Variants in PGCKA1 observed in about 807,000 individuals in gnomAD.
PGCKA1 encodes PDCD10 and GCKIII kinases associated 1, also known as PDCD10 and GCKIII kinases-associated protein 1.
chr4:37,525,483 C>T, the PGCKA1 span, among the ~76,000 whole-genome samples: 55 of 131,286 alleles, frequency 4.2e-4, no homozygotes, highest in African/African-American at 1.5e-3. Context: ...CTAAATTCTC[C>T]ACACACATAC....
the PGCKA1 span, among the ~76,000 whole-genome samples, chr4:37,592,221 A>G: frequency 6.6e-6 from 1 of 151,222 alleles, no homozygotes; most frequent in Non-Finnish European, 1.5e-5. Flanking sequence ...AAAAAAAAAA[A>G]AAAAAAAGAG....
chr4:37,488,327 A>T, the PGCKA1 span, among the ~76,000 whole-genome samples: 177 of 152,266 alleles, frequency 1.2e-3, no homozygotes, highest in African/African-American at 4.2e-3. Flanking sequence ...GAGAATCAAG[A>T]TTTGGAACAT....
the PGCKA1 span, among the ~76,000 whole-genome samples, chr4:37,521,094 CT>C: frequency 6.6e-6 from 1 of 151,894 alleles, no homozygotes; most frequent in African/African-American, 2.4e-5. Flanking sequence ...TTATTTTCTT[CT>C]ACTAATTTTG....
At chr4:37,542,269 C>T in the PGCKA1 span, among the ~76,000 whole-genome samples, 3 of 152,156 alleles carry the variant, frequency 2.0e-5, no homozygotes, top group Admixed American at 6.5e-5. Flanking sequence ...AAAGACTCAC[C>T]GACTTTTGGT....
the PGCKA1 span, among the ~76,000 whole-genome samples, chr4:37,508,483 T>C: frequency 2.6e-5 from 4 of 152,124 alleles, no homozygotes; most frequent in African/African-American, 9.7e-5. Context: ...TGACCAATTC[T>C]GCTATTAAAA....
At chr4:37,579,398 C>T in the PGCKA1 span, among the ~76,000 whole-genome samples, 1 of 152,174 alleles carries the variant, frequency 6.6e-6, no homozygotes, top group Non-Finnish European at 1.5e-5. Context: ...TGCTCATTAA[C>T]ATCCCTTTCT....
chr4:37,578,353 A>G, the PGCKA1 span, among the ~76,000 whole-genome samples: 2 of 152,210 alleles, frequency 1.3e-5, no homozygotes, highest in Non-Finnish European at 2.9e-5. Context: ...TTTGTCTGAC[A>G]TAAGTATAGT....
the PGCKA1 span, among the ~76,000 whole-genome samples, chr4:37,515,291 T>C: frequency 6.6e-5 from 10 of 152,228 alleles, no homozygotes; most frequent in Non-Finnish European, 1.5e-4. Flanking sequence ...ACCTCCAGAA[T>C]TGTGAGAAAT....
the PGCKA1 span, among the ~76,000 whole-genome samples, chr4:37,506,303 T>C: frequency 1.3e-5 from 2 of 152,160 alleles, no homozygotes; most frequent in African/African-American, 4.8e-5. Flanking sequence ...TCTTTATTAT[T>C]TCTTCTAATT....
At chr4:37,492,259 A>G in the PGCKA1 span, among the ~76,000 whole-genome samples, 3 of 152,100 alleles carry the variant, frequency 2.0e-5, no homozygotes, top group Non-Finnish European at 4.4e-5. This position sits in a 1 kb window ranked among gnomAD's most constrained non-coding sequence, Gnocchi z 4.7. Flanking sequence ...TGGTCCCTCC[A>G]GATTGTTTTT....
chr4:37,525,233 T>C, the PGCKA1 span, among the ~76,000 whole-genome samples: 1 of 152,202 alleles, frequency 6.6e-6, no homozygotes, highest in African/African-American at 2.4e-5. Context: ...GGTAAGTAGG[T>C]ATTGTTATCC....
the PGCKA1 span, among the ~76,000 whole-genome samples, chr4:37,477,762 T>G: frequency 6.6e-6 from 1 of 152,220 alleles, no homozygotes; most frequent in Admixed American, 6.5e-5. Flanking sequence ...GCAGTCTTCC[T>G]GTGGGTAAAA....
At chr4:37,507,183 ATT>A in the PGCKA1 span, among the ~76,000 whole-genome samples, 1 of 152,186 alleles carries the variant, frequency 6.6e-6, no homozygotes, top group East Asian at 1.9e-4. Flanking sequence ...TTATAAAAGA[ATT>A]GTATTTCTTA....
chr4:37,555,439 A>AT, the PGCKA1 span, among the ~76,000 whole-genome samples: 1 of 152,126 alleles, frequency 6.6e-6, no homozygotes, highest in Non-Finnish European at 1.5e-5. Context: ...CTCCCTACCG[A>AT]TTCCTTGCAT....
the PGCKA1 span, among the ~76,000 whole-genome samples, chr4:37,458,873 C>T: frequency 1.8e-4 from 27 of 152,312 alleles, no homozygotes; most frequent in Non-Finnish European, 1.5e-4. Flanking sequence ...ATATACACCT[C>T]GTACCTTATG....
At chr4:37,522,627 C>T in the PGCKA1 span, among the ~76,000 whole-genome samples, 2 of 144,618 alleles carry the variant, frequency 1.4e-5, no homozygotes, top group African/African-American at 5.5e-5. Flanking sequence ...ACCCAAGGCC[C>T]TCAACATAGT....
At chr4:37,577,906 G>A in the PGCKA1 span, among the ~76,000 whole-genome samples, 1 of 152,144 alleles carries the variant, frequency 6.6e-6, no homozygotes, top group Non-Finnish European at 1.5e-5. Context: ...TGTGGTCAGA[G>A]AAGATGTTTG....
chr4:37,473,095 A>G, the PGCKA1 span, among the ~76,000 whole-genome samples: 4 of 152,186 alleles, frequency 2.6e-5, no homozygotes, highest in Non-Finnish European at 5.9e-5. Flanking sequence ...TCAAGTATAC[A>G]TAGGGAAAAT....
the PGCKA1 span, among the ~76,000 whole-genome samples, chr4:37,556,488 C>T: frequency 2.1e-4 from 32 of 152,200 alleles, no homozygotes; most frequent in East Asian, 6.0e-3. Context: ...AGGCTGGTCT[C>T]GAACTCCTGA....
Sources: gnomAD v4.1 joint callset for allele counts (sites outside exome capture counted in the v4.1 genomes callset) on GRCh38, gnomAD v4.1.1 for gene constraint, Gnocchi (gnomAD v3.1) non-coding constraint, MANE v1.5 for transcripts, NCBI Gene and HGNC (gene_info 2026-07-23, HGNC 2026-07-21) for gene names.